ST3GAL3: variants seen among roughly 807,000 people sequenced by gnomAD.
ST3GAL3 encodes ST3 beta-galactoside alpha-2,3-sialyltransferase 3, also known as CMP-N-acetylneuraminate-beta-1,4-galactoside alpha-2,3-sialyltransferase.
Under a neutral mutation model 50.1 loss-of-function variants are expected in ST3GAL3, and 21 were observed. That is an observed-to-expected ratio of 0.42 (90% CI 0.30 to 0.60). The LOEUF (loss-of-function observed/expected upper bound fraction) is 0.60, where lower values mean the gene tolerates loss of function less well. ST3GAL3 is among the 20% of genes least tolerant of loss of function. The pLI is 0.19. For synonymous variants in ST3GAL3, 183 were observed against 190.0 expected, an observed-to-expected ratio of 0.96 and a Z score of 0.30; for missense variants, 353 against 489.4, an observed-to-expected ratio of 0.72 and a Z score of 2.63.
Position 43,900,216 on chromosome 1 carries a change from A to G in ST3GAL3, c.744+489A>G, listed in dbSNP as rs148613784. Among the ~76,000 whole-genome samples, 109 of 152,158 alleles carry G rather than the reference A, an allele frequency of 7.2e-4. No individual in the cohort carries two copies. The East Asian group carries it at 0.019, about 26-fold the overall frequency. On this transcript the variant is annotated intron_variant, in intron 9 of 11. Coordinates refer to ENST00000347631, the MANE Select transcript of ST3GAL3 (RefSeq NM_006279.5). Reference sequence around the variant, plus strand: ...CTTTCTCAGCCTGGGTTCTGCAGGGACAGCAGACCCCTCAACTTGAGAGTG... The same window carrying G: ...CTTTCTCAGCCTGGGTTCTGCAGGGGCAGCAGACCCCTCAACTTGAGAGTG...
intron 5 of ST3GAL3, among the ~76,000 whole-genome samples, chr1:43,853,658 G>A (rs2067787574): frequency 6.6e-6 from 1 of 152,228 alleles, no homozygotes; most frequent in African/African-American, 2.4e-5. Context: ...CAGCTCTACA[G>A]AGGAAAACCA....
chr1:43,795,408 C>G (rs888970357), intron 3 of ST3GAL3, among the ~76,000 whole-genome samples: 1 of 152,164 alleles, frequency 6.6e-6, no homozygotes, highest in East Asian at 1.9e-4. Flanking sequence ...CCCGACAACA[C>G]CTACCAGCTT....
At chr1:43,867,878 G>A (rs1178305307) in intron 5 of ST3GAL3, among the ~76,000 whole-genome samples, 2 of 151,974 alleles carry the variant, frequency 1.3e-5, no homozygotes, top group African/African-American at 4.8e-5. Context: ...AAGGAGAATA[G>A]GAAAAAATGG....
chr1:43,905,490 C>T (rs1482957696), intron 9 of ST3GAL3, among the ~76,000 whole-genome samples: 4 of 142,382 alleles, frequency 2.8e-5, no homozygotes, highest in African/African-American at 1.1e-4. Flanking sequence ...CCCTTCCCAC[C>T]ACTCTTCCTC....
At chr1:43,785,117 G>T (rs1349715629) in intron 2 of ST3GAL3, among the ~76,000 whole-genome samples, 1 of 149,634 alleles carries the variant, frequency 6.7e-6, no homozygotes, top group East Asian at 1.9e-4. Context: ...CTAAGACTGG[G>T]GGGGTTAGAT....
At chr1:43,910,956 C>T (rs1290355303) in intron 9 of ST3GAL3, among the ~76,000 whole-genome samples, 2 of 152,080 alleles carry the variant, frequency 1.3e-5, no homozygotes, top group African/African-American at 2.4e-5. Context: ...CTTGAGAGAC[C>T]ACTATCAGGT....
chr1:43,740,465 C>T (rs560341427), intron 2 of ST3GAL3, among the ~76,000 whole-genome samples: 27 of 151,872 alleles, frequency 1.8e-4, no homozygotes, highest in Non-Finnish European at 2.9e-4. Context: ...TTCATGGAAG[C>T]CTTGCATATT....
intron 3 of ST3GAL3, chr1:43,801,629 G>T: frequency 4.7e-6 from 1 of 213,216 alleles, no homozygotes; most frequent in Non-Finnish European, 9.5e-6. Context: ...GAAAACATTT[G>T]TGATTTTTTT....
In ST3GAL3 at chr1:43,894,434, T is replaced by A. The variant is rs372615255; in HGVS notation, c.354T>A (p.Ala118=). The A allele has an allele frequency of 4.3e-6, 7 of 1,614,060 alleles. No homozygotes were observed. The highest frequency in any genetic ancestry group is 5.9e-6 in the Non-Finnish European group (7 of 1,180,036). Residue 118 remains alanine (A), a synonymous_variant, in exon 6 of 12, where the codon GCT becomes GCA. Transcript: ENST00000347631. ...MFLDDSFRKW[A]RIREFVPPFG... is the part of the protein sequence containing the mutation. ...TGGATGACTCCTTTCGCAAGTGGGCTAGAATCCGGGAGTTCGTGCCGCCTT... is the reference window on the plus strand; with the variant it reads ...TGGATGACTCCTTTCGCAAGTGGGCAAGAATCCGGGAGTTCGTGCCGCCTT...
intron 4 of ST3GAL3, among the ~76,000 whole-genome samples, chr1:43,816,736 G>C (rs1468170461): frequency 1.3e-5 from 2 of 152,216 alleles, no homozygotes; most frequent in Non-Finnish European, 2.9e-5. Flanking sequence ...GTAGCTTTCT[G>C]TTGTGTATCA....
chr1:43,766,621 G>C (rs148494123), intron 2 of ST3GAL3, among the ~76,000 whole-genome samples: 105 of 152,208 alleles, frequency 6.9e-4, no homozygotes, highest in African/African-American at 2.4e-3. Context: ...TAGTGAGACC[G>C]AGGATTGCAG....
chr1:43,827,485 A>G (rs2062965300), intron 4 of ST3GAL3, among the ~76,000 whole-genome samples: 1 of 152,158 alleles, frequency 6.6e-6, no homozygotes, highest in Admixed American at 6.5e-5. Context: ...CCACATTTTG[A>G]TAGAAGGACT....
chr1:43,805,445 A>G (rs1307858982), intron 3 of ST3GAL3, among the ~76,000 whole-genome samples: 2 of 152,250 alleles, frequency 1.3e-5, no homozygotes, highest in East Asian at 3.8e-4. Flanking sequence ...ACAGATGTGC[A>G]TTGCAGGTTC....
chr1:43,782,953 G>T (rs1304489589), intron 2 of ST3GAL3, among the ~76,000 whole-genome samples: 3 of 152,072 alleles, frequency 2.0e-5, no homozygotes, highest in Non-Finnish European at 4.4e-5. Flanking sequence ...ACAGGATGCT[G>T]CCCCAAACCT....
chr1:43,791,304 T>C (rs2058048128), intron 2 of ST3GAL3, among the ~76,000 whole-genome samples: 1 of 152,242 alleles, frequency 6.6e-6, no homozygotes, highest in Non-Finnish European at 1.5e-5. Context: ...CCTAGACTGA[T>C]AGCAGAAAGA....
intron 5 of ST3GAL3, among the ~76,000 whole-genome samples, chr1:43,865,509 A>T (rs1447170386): frequency 6.6e-6 from 1 of 152,124 alleles, no homozygotes; most frequent in Admixed American, 6.5e-5. Context: ...AAGCATTTCC[A>T]TATATTTGGC....
intron 5 of ST3GAL3, among the ~76,000 whole-genome samples, chr1:43,856,433 T>G (rs972833537): frequency 3.3e-5 from 5 of 152,204 alleles, no homozygotes; most frequent in Non-Finnish European, 5.9e-5. Context: ...AACCCCACCC[T>G]GTCCTGAATC....
intron 5 of ST3GAL3, among the ~76,000 whole-genome samples, chr1:43,864,207 G>C (rs139095040): frequency 4.5e-4 from 69 of 152,372 alleles, no homozygotes; most frequent in Admixed American, 6.5e-4. Flanking sequence ...TGACCTGGGA[G>C]ACGGAGGTTG....
At chr1:43,871,502 T>C (rs1425506143) in intron 5 of ST3GAL3, among the ~76,000 whole-genome samples, 2 of 39,236 alleles carry the variant, frequency 5.1e-5, no homozygotes, top group East Asian at 7.3e-4. Context: ...AGGGAGAGGA[T>C]GGGGTGTGAG....
Sources: allele counts gnomAD v4.1 joint callset (sites outside exome capture counted in the v4.1 genomes callset), GRCh38; gene constraint gnomAD v4.1.1; transcripts MANE v1.5; gene names NCBI Gene and HGNC (gene_info 2026-07-23, HGNC 2026-07-21).